CPS1: variants seen among roughly 807,000 people sequenced by gnomAD.
CPS1 encodes the protein carbamoyl-phosphate synthase 1.
A neutral mutation model predicts 174.6 loss-of-function variants in CPS1; 109 were observed. The observed-to-expected ratio is 0.62, with a 90% CI of 0.53 to 0.73. The LOEUF is 0.73. Ranked by LOEUF, CPS1 falls within the 30% of genes least tolerant of loss-of-function variation. CPS1 has a pLI of 0.00. For synonymous variants in CPS1, 637 were observed against 632.0 expected, an observed-to-expected ratio of 1.01 and a Z score of -0.12; for missense variants, 1,689 against 1,821.9, an observed-to-expected ratio of 0.93 and a Z score of 1.33.
intron 1 of CPS1, among the ~76,000 whole-genome samples, chr2:210,541,157 G>T (rs2106013015): frequency 6.6e-6 from 1 of 152,262 alleles, no homozygotes; most frequent in Non-Finnish European, 1.5e-5. Flanking sequence ...CAAATGTTCA[G>T]AGTCTGCATC....
At chr2:210,490,662 G>A (rs1694852640) in intron 1 of CPS1, among the ~76,000 whole-genome samples, 1 of 152,190 alleles carries the variant, frequency 6.6e-6, no homozygotes, top group Non-Finnish European at 1.5e-5. Flanking sequence ...ATAAAAGAGA[G>A]GCTGTCTTAA....
intron 19 of CPS1, 121 bp from the exon 20 acceptor site, chr2:210,611,996 C>T (rs1699141037): frequency 2.5e-6 from 2 of 795,834 alleles, no homozygotes; most frequent in Non-Finnish European, 3.9e-6. Context: ...ATTTGAGAGG[C>T]TTTATGATAT....
chr2:210,657,001 G>T (rs1443924011), intron 30 of CPS1, among the ~76,000 whole-genome samples: 1 of 152,092 alleles, frequency 6.6e-6, no homozygotes, highest in Non-Finnish European at 1.5e-5. Flanking sequence ...TGCTATTGCT[G>T]CTAGTCTGGG....
intron 21 of CPS1, among the ~76,000 whole-genome samples, chr2:210,632,211 C>T (rs1203506955): frequency 6.6e-6 from 1 of 152,044 alleles, no homozygotes; most frequent in Non-Finnish European, 1.5e-5. Context: ...AAAAACCCAC[C>T]ATGATGGAAA....
At chr2:210,666,430 G>C (rs1446774245) in intron 33 of CPS1, among the ~76,000 whole-genome samples, 2 of 151,456 alleles carry the variant, frequency 1.3e-5, no homozygotes, top group Non-Finnish European at 2.9e-5. Context: ...GTAATGCCTA[G>C]GTTTTCTTCT....
At chr2:210,606,705 G>A (rs1311795706) in intron 17 of CPS1, 26 bp from the exon 18 acceptor site, 1 of 1,606,572 alleles carries the variant, frequency 6.2e-7, no homozygotes, top group Admixed American at 1.7e-5. Flanking sequence ...ATGCCACCAA[G>A]TAATGAGTGC....
At chr2:210,596,430 T>C (rs2106119892) in intron 13 of CPS1, among the ~76,000 whole-genome samples, 1 of 152,046 alleles carries the variant, frequency 6.6e-6, no homozygotes. Context: ...ACAGCAAACC[T>C]GGGAAAAATA....
At chr2:210,593,423 G>A in intron 11 of CPS1, 3 of 1,048,986 alleles carry the variant, frequency 2.9e-6, no homozygotes, top group Non-Finnish European at 3.5e-6. Flanking sequence ...GAGAGGGCAT[G>A]CATGCACATA....
At chr2:210,656,717 G>A (rs1233729953) in intron 30 of CPS1, 85 bp downstream of exon 30, 4 of 929,356 alleles carry the variant, frequency 4.3e-6, no homozygotes, top group Admixed American at 2.0e-5. Context: ...TTTAAAGCTA[G>A]GTAGCAATGT....
At chr2:210,551,077 A>G (rs945339272) in intron 1 of CPS1, among the ~76,000 whole-genome samples, 1 of 151,924 alleles carries the variant, frequency 6.6e-6, no homozygotes, top group African/African-American at 2.4e-5. Flanking sequence ...ATTGCTATAT[A>G]TGCTTTTTGG....
intron 28 of CPS1, among the ~76,000 whole-genome samples, chr2:210,651,569 ATGTGAG>A (rs1700560052): frequency 6.6e-6 from 1 of 152,166 alleles, no homozygotes; most frequent in Non-Finnish European, 1.5e-5. Context: ...AGCTGGTCTC[ATGTGAG>A]TGATGAGGCA....
At chr2:210,483,470 C>T (rs906448507) in intron 1 of CPS1, among the ~76,000 whole-genome samples, 1 of 152,206 alleles carries the variant, frequency 6.6e-6, no homozygotes, top group Non-Finnish European at 1.5e-5. Context: ...GTCACCATCA[C>T]GTGAGTGGTG....
At chr2:210,552,915 A>G, upstream of CPS1, among the ~76,000 whole-genome samples, 1 of 152,034 alleles carries the variant, frequency 6.6e-6, no homozygotes, top group East Asian at 1.9e-4. Flanking sequence ...GCAAAATAAT[A>G]TTTTCTACAG....
chr2:210,678,091 A>C lies in CPS1; in HGVS notation c.*106A>C. The C allele has an allele frequency of 1.1e-6, 1 of 892,890 alleles. No homozygotes were observed. The highest frequency in any genetic ancestry group is 1.3e-5 in the South Asian group (1 of 76,240). 55.3% of individuals were successfully genotyped at this position (892,890 alleles called of 1,614,324 possible). On this transcript the variant is annotated 3_prime_UTR_variant, in exon 38 of 38. Transcript: ENST00000233072. ...AGATGAATATTGATAACTAAACTTC[A>C]TTTCAGTTTACTTTGTTATGCCTTA...
At chr2:210,646,842 C>T (rs6712334) in intron 25 of CPS1, among the ~76,000 whole-genome samples, 1,764 of 152,064 alleles carry the variant, frequency 0.012, 30 homozygotes, top group African/African-American at 0.04. Flanking sequence ...GAAGGGACTT[C>T]GACTGGAAAT....
intron 21 of CPS1, among the ~76,000 whole-genome samples, chr2:210,636,949 TAGAC>T (rs752084586): frequency 2.6e-5 from 4 of 152,202 alleles, no homozygotes; most frequent in Non-Finnish European, 5.9e-5. Context: ...CTTCTCAACA[TAGAC>T]AGATGGGTGA....
chr2:210,536,441 C>T (rs998212061), intron 1 of CPS1, among the ~76,000 whole-genome samples: 6 of 151,812 alleles, frequency 4.0e-5, no homozygotes, highest in Non-Finnish European at 8.8e-5. Context: ...CTGCCTCAGC[C>T]TCCCGAGTAG....
intron 1 of CPS1, among the ~76,000 whole-genome samples, chr2:210,526,156 C>G (rs987729165): frequency 6.6e-6 from 1 of 151,940 alleles, no homozygotes; most frequent in Non-Finnish European, 1.5e-5. Flanking sequence ...ACCACATGTT[C>G]TCACTCATAA....
At chr2:210,653,773 T>C (rs762029447) in intron 28 of CPS1, among the ~76,000 whole-genome samples, 1 of 152,214 alleles carries the variant, frequency 6.6e-6, no homozygotes, top group Non-Finnish European at 1.5e-5. Context: ...ATGCCTATAC[T>C]TGAGGATTCA....
Sources: gnomAD v4.1 joint callset for allele counts (sites outside exome capture counted in the v4.1 genomes callset) on GRCh38, gnomAD v4.1.1 for gene constraint, MANE v1.5 for transcripts, NCBI Gene and HGNC (gene_info 2026-07-23, HGNC 2026-07-21) for gene names.